Variants in RUNX1 observed in about 807,000 individuals in gnomAD.
RUNX1 encodes the protein RUNX family transcription factor 1, also known as runt-related transcription factor 1.
Under a neutral mutation model 42.8 loss-of-function variants are expected in RUNX1, and 19 were observed. That is an observed-to-expected ratio of 0.44 (90% CI 0.31 to 0.65). RUNX1 has a LOEUF of 0.65. RUNX1 is among the 30% of genes least tolerant of loss of function. The pLI is 0.07. For synonymous variants in RUNX1, 271 were observed against 289.4 expected, an observed-to-expected ratio of 0.94 and a Z score of 0.64; for missense variants, 528 against 672.0, an observed-to-expected ratio of 0.79 and a Z score of 2.37.
chr21:34,957,366 A>C (rs2058652007), intron 2 of RUNX1, among the ~76,000 whole-genome samples: 1 of 152,182 alleles, frequency 6.6e-6, no homozygotes, highest in Non-Finnish European at 1.5e-5. Context: ...GAAATGTGAA[A>C]AGTTCAACAC....
Position 34,789,619 on chromosome 21 carries a change from T to C in RUNX1, c.*2516A>G, listed in dbSNP as rs539024688. The C allele has an allele frequency of 4.7e-5, 11 of 232,762 alleles. No individual in the cohort carries two copies. The highest frequency in any genetic ancestry group is 1.8e-4 in the African/African-American group (8 of 44,872). The allele number at this position is 232,762 out of a possible 1,614,324, so 14.4% of individuals were successfully genotyped here. ...ACACACACACGCACACACACACACA[T>C]ACAAAAATGTGTTGCGTGAGACCTA... On this transcript the variant is annotated 3_prime_UTR_variant, in exon 9 of 9. Transcript: ENST00000675419.
At chr21:34,919,987 A>C (rs1163147236) in intron 2 of RUNX1, among the ~76,000 whole-genome samples, 1 of 152,202 alleles carries the variant, frequency 6.6e-6, no homozygotes, top group Non-Finnish European at 1.5e-5. Flanking sequence ...TGGGCAGTGA[A>C]TCAGACAGCA....
At chr21:34,963,978 T>C (rs762389747) in intron 2 of RUNX1, among the ~76,000 whole-genome samples, 7 of 152,192 alleles carry the variant, frequency 4.6e-5, no homozygotes, top group Non-Finnish European at 8.8e-5. Flanking sequence ...AGATGGAAGA[T>C]TGGGATGGCA....
chr21:35,001,845 T>G (rs1346403917), intron 2 of RUNX1, among the ~76,000 whole-genome samples: 2 of 152,192 alleles, frequency 1.3e-5, no homozygotes, highest in East Asian at 3.8e-4. Flanking sequence ...TTCTACATAC[T>G]TGCAATGACC....
chr21:34,922,190 T>A (rs2058359151), intron 2 of RUNX1, among the ~76,000 whole-genome samples: 1 of 152,110 alleles, frequency 6.6e-6, no homozygotes, highest in Non-Finnish European at 1.5e-5. Context: ...AGGCTGGTGC[T>A]CTGTGTGCCA....
At chr21:34,984,374 C>A (rs1358786318) in intron 2 of RUNX1, among the ~76,000 whole-genome samples, 1 of 152,102 alleles carries the variant, frequency 6.6e-6, no homozygotes, top group Non-Finnish European at 1.5e-5. Flanking sequence ...AGTGGCCAAT[C>A]TCAGTATGTC....
chr21:34,921,163 T>C (rs551253348), intron 2 of RUNX1, among the ~76,000 whole-genome samples: 17 of 152,138 alleles, frequency 1.1e-4, no homozygotes, highest in Non-Finnish European at 2.4e-4. Context: ...CCAACCATTT[T>C]AAAGTGCATA....
intron 2 of RUNX1, among the ~76,000 whole-genome samples, chr21:35,007,588 C>T (rs1200109988): frequency 6.6e-6 from 1 of 152,164 alleles, no homozygotes; most frequent in Non-Finnish European, 1.5e-5. Context: ...GTTTCTCCTC[C>T]AGGATAGCAG....
Position 35,016,441 on chromosome 21 carries a change from T to C in RUNX1, c.58+32401A>G, listed in dbSNP as rs542982215. The stretch of plus-strand genomic sequence containing the variant: ...AGGCTTATGGAATAGCCCAGGCCCA[T>C]TGGAGTTTGTTTTGCCCACCATACG... On this transcript the variant is annotated intron_variant, in intron 2 of 8. Coordinates refer to ENST00000675419, the MANE Select transcript of RUNX1 (RefSeq NM_001754.5). Among the ~76,000 whole-genome samples the C allele has an allele frequency of 2.0e-5, 3 of 152,256 alleles. No homozygotes were observed. The South Asian group carries it at 6.2e-4, about 32-fold the overall frequency.
chr21:34,858,862 A>C (rs2834653), intron 6 of RUNX1, among the ~76,000 whole-genome samples: 90,342 of 152,022 alleles, frequency 0.59, 29,694 homozygotes, highest in African/African-American at 0.87. Flanking sequence ...AACCTCACTC[A>C]TTTTTTTAAA....
chr21:34,909,988 C>T (rs1277534554), intron 2 of RUNX1, among the ~76,000 whole-genome samples: 3 of 152,218 alleles, frequency 2.0e-5, no homozygotes, highest in East Asian at 3.8e-4. Context: ...CCTGGGCTGC[C>T]CCCAGTGTTT....
intron 2 of RUNX1, among the ~76,000 whole-genome samples, chr21:34,923,963 G>A (rs983749380): frequency 3.3e-5 from 5 of 152,170 alleles, no homozygotes; most frequent in Non-Finnish European, 7.3e-5. Context: ...CCTGGCCACT[G>A]GGCCCACTGT....
chr21:35,046,977 T>C (rs1164714491), intron 2 of RUNX1, among the ~76,000 whole-genome samples: 1 of 152,134 alleles, frequency 6.6e-6, no homozygotes, highest in African/African-American at 2.4e-5. Flanking sequence ...ACAGGAGCCC[T>C]GGGCTTGTCC....
At chr21:34,944,864 C>G (rs1316853683) in intron 2 of RUNX1, among the ~76,000 whole-genome samples, 2 of 152,184 alleles carry the variant, frequency 1.3e-5, no homozygotes, top group African/African-American at 4.8e-5. Flanking sequence ...GTTAATACCT[C>G]CACTCTGAAT....
intron 2 of RUNX1, among the ~76,000 whole-genome samples, chr21:35,045,154 A>AAAT (rs2059386956): frequency 6.6e-6 from 1 of 152,210 alleles, no homozygotes; most frequent in Non-Finnish European, 1.5e-5. Flanking sequence ...CAAAAAGTCT[A>AAAT]AATGGCAAAG....
chr21:34,834,585 T>C lies in RUNX1; in HGVS notation c.630A>G (p.Leu210=), dbSNP rs367978995. Residue 210 remains leucine (L), a synonymous_variant, in exon 7 of 9, where the codon CTA becomes CTG. Transcript: ENST00000675419. ...PREPRRHRQK[L]DDQTKPGSLS... ...AGCTCCCGGGCTTGGTCTGATCATC[T>C]AGTTTCTGCCGATGTCCTATTGTGG... is the stretch of plus-strand genomic sequence containing the variant. 9.9e-6 allele frequency: 16 copies of C among 1,611,132 alleles called. No individual in the cohort carries two copies. The highest frequency in any genetic ancestry group is 5.0e-5 in the Admixed American group (3 of 59,890).
Position 35,046,462 on chromosome 21 carries a change from G to C in RUNX1, c.58+2380C>G, listed in dbSNP as rs896911542. Among the ~76,000 whole-genome samples the C allele has an allele frequency of 2.6e-5, 4 of 152,322 alleles. No homozygotes were observed. The South Asian group carries it at 8.3e-4, about 32-fold the overall frequency. On this transcript the variant is annotated intron_variant, in intron 2 of 8. Coordinates refer to ENST00000675419, the MANE Select transcript of RUNX1 (RefSeq NM_001754.5). Reference sequence around the variant, plus strand: ...CGGCTCACAGTTGCCGTTGGGGAGGGAACACACGCTGTAAATTATAGGCAG... The same window carrying C: ...CGGCTCACAGTTGCCGTTGGGGAGGCAACACACGCTGTAAATTATAGGCAG...
chr21:34,903,134 G>A (rs920429808), intron 2 of RUNX1, among the ~76,000 whole-genome samples: 5 of 152,170 alleles, frequency 3.3e-5, no homozygotes, highest in South Asian at 2.1e-4. Flanking sequence ...TGTTGCTATC[G>A]TATTCTATAA....
intron 2 of RUNX1, among the ~76,000 whole-genome samples, chr21:34,924,561 G>A (rs575242723): frequency 1.4e-4 from 21 of 152,318 alleles, no homozygotes; most frequent in Admixed American, 1.1e-3. Flanking sequence ...TGGTACAAAC[G>A]AAGAAGGTGT....
Sources: allele counts gnomAD v4.1 joint callset (sites outside exome capture counted in the v4.1 genomes callset), GRCh38; gene constraint gnomAD v4.1.1; transcripts MANE v1.5; gene names NCBI Gene and HGNC (gene_info 2026-07-23, HGNC 2026-07-21).